Variants in GPHN observed in about 807,000 individuals in gnomAD.
GPHN encodes the protein gephyrin.
A neutral mutation model predicts 95.5 loss-of-function variants in GPHN; 17 were observed. The ratio of observed to expected loss-of-function variants is 0.18; its 90% confidence interval spans 0.12 to 0.27. The LOEUF (loss-of-function observed/expected upper bound fraction) is 0.27, where lower values mean the gene tolerates loss of function less well. Among genes scored for constraint, GPHN ranks in the 10% least tolerant of loss-of-function variants. The pLI, the probability that GPHN is intolerant of heterozygous loss-of-function variation, is 1.00. For missense variants in GPHN, 660 were observed against 978.1 expected, an observed-to-expected ratio of 0.67 and a Z score of 4.34; for synonymous variants, 320 against 322.5, an observed-to-expected ratio of 0.99 and a Z score of 0.08.
the GPHN span, chr14:67,646,571 C>A: frequency 2.4e-6 from 3 of 1,238,786 alleles, no homozygotes; most frequent in Non-Finnish European, 3.5e-6. Flanking sequence ...TGCATACCCA[C>A]GGACGCACAT....
chr14:67,157,398 A>G (rs1249043731), intron 18 of GPHN, among the ~76,000 whole-genome samples: 1 of 152,248 alleles, frequency 6.6e-6, no homozygotes, highest in Non-Finnish European at 1.5e-5. Flanking sequence ...TCAACATTTC[A>G]TCTAGTCCCC....
chr14:67,061,996 A>G (rs1483433179), intron 11 of GPHN, among the ~76,000 whole-genome samples: 2 of 152,164 alleles, frequency 1.3e-5, no homozygotes, highest in Non-Finnish European at 2.9e-5. Context: ...TCGTGTTCCC[A>G]TAGCACCTTC....
chr14:67,612,237 G>A, the GPHN span, among the ~76,000 whole-genome samples: 1 of 152,172 alleles, frequency 6.6e-6, no homozygotes, highest in Non-Finnish European at 1.5e-5. Context: ...AGGGGTTGGG[G>A]ACCCCTGCTC....
chr14:67,157,287 A>G (rs2081652652), intron 18 of GPHN, among the ~76,000 whole-genome samples: 1 of 152,194 alleles, frequency 6.6e-6, no homozygotes, highest in Non-Finnish European at 1.5e-5. Flanking sequence ...ATTATTTTAA[A>G]TTAGTTAATT....
intron 4 of GPHN, among the ~76,000 whole-genome samples, chr14:66,826,218 CT>C (rs376162825): frequency 1.2e-4 from 19 of 152,174 alleles, no homozygotes; most frequent in African/African-American, 4.1e-4. Flanking sequence ...TTGTATCCTA[CT>C]GGGCTTTCAG....
At chr14:66,742,749 C>CTTGTTT (rs1426389909) in intron 2 of GPHN, among the ~76,000 whole-genome samples, 1 of 151,954 alleles carries the variant, frequency 6.6e-6, no homozygotes, top group East Asian at 1.9e-4. Context: ...TTTTGTTCTT[C>CTTGTTT]TTGTTTTTGT....
chr14:67,245,116 G>A, the GPHN span, among the ~76,000 whole-genome samples: 1 of 152,304 alleles, frequency 6.6e-6, no homozygotes, highest in South Asian at 2.1e-4. Flanking sequence ...TTTTAGCCAA[G>A]GGAGACATAT....
chr14:66,586,527 A>C (rs2061428095), intron 1 of GPHN, among the ~76,000 whole-genome samples: 1 of 152,122 alleles, frequency 6.6e-6, no homozygotes, highest in Non-Finnish European at 1.5e-5. Flanking sequence ...GGGTGGTACC[A>C]GTTGTTCCTT....
At chr14:67,642,396 G>A in the GPHN span, 2 of 1,609,224 alleles carry the variant, frequency 1.2e-6, no homozygotes, top group Non-Finnish European at 1.7e-6. Flanking sequence ...TGAGGGGATG[G>A]ATTACATGGT....
chr14:66,750,032 A>G (rs2058309124), intron 2 of GPHN, among the ~76,000 whole-genome samples: 1 of 151,906 alleles, frequency 6.6e-6, no homozygotes, highest in Non-Finnish European at 1.5e-5. Flanking sequence ...TTATATGTAC[A>G]ATAAATTACT....
intron 1 of GPHN, among the ~76,000 whole-genome samples, chr14:66,638,743 CA>C (rs1168077572): frequency 1.3e-5 from 2 of 150,662 alleles, no homozygotes; most frequent in African/African-American, 4.9e-5. Flanking sequence ...TCTTCTTTTC[CA>C]TAATGAAAAA....
At chr14:67,519,319 G>A in the GPHN span, among the ~76,000 whole-genome samples, 1 of 152,234 alleles carries the variant, frequency 6.6e-6, no homozygotes, top group Non-Finnish European at 1.5e-5. Context: ...TAAAGGGAAT[G>A]CTGGCAAAAC....
At chr14:67,687,767 G>A in the GPHN span, among the ~76,000 whole-genome samples, 155 of 148,676 alleles carry the variant, frequency 1.0e-3, 1 homozygote, top group African/African-American at 3.5e-3. Context: ...CACCACGTCC[G>A]GCCCTTTTTT....
chr14:66,615,564 G>T (rs931748890), intron 1 of GPHN, among the ~76,000 whole-genome samples: 1 of 151,296 alleles, frequency 6.6e-6, no homozygotes, highest in Non-Finnish European at 1.5e-5. Context: ...TTTTGATGGG[G>T]TTATTTTTTT....
chr14:67,264,430 T>G, the GPHN span, among the ~76,000 whole-genome samples: 1 of 151,294 alleles, frequency 6.6e-6, no homozygotes, highest in Non-Finnish European at 1.5e-5. Context: ...GGGGTCAAAT[T>G]AAAAAAAATC....
chr14:66,512,834 G>C (rs1050946702), intron 1 of GPHN, among the ~76,000 whole-genome samples: 1 of 151,508 alleles, frequency 6.6e-6, no homozygotes, highest in Admixed American at 6.6e-5. Flanking sequence ...ACCTGTTCTG[G>C]TATATTATGT....
chr14:67,328,090 G>A, the GPHN span, among the ~76,000 whole-genome samples: 1 of 152,146 alleles, frequency 6.6e-6, no homozygotes, highest in Non-Finnish European at 1.5e-5. Flanking sequence ...CTAGTTTACG[G>A]TCCCACCAAC....
chr14:67,448,120 C>CTTTTTT, the GPHN span, among the ~76,000 whole-genome samples: 14 of 36,078 alleles, frequency 3.9e-4, 5 homozygotes, highest in African/African-American at 5.9e-4. Flanking sequence ...ATAGCCCATT[C>CTTTTTT]TTTTTTTTTT....
At chr14:67,225,319 C>A in the GPHN span, 37 of 1,269,692 alleles carry the variant, frequency 2.9e-5, no homozygotes, top group Non-Finnish European at 3.4e-5. Context: ...ATGATACTGT[C>A]ACACAAAAAA....
Sources: allele counts gnomAD v4.1 joint callset (sites outside exome capture counted in the v4.1 genomes callset), GRCh38; gene constraint gnomAD v4.1.1; transcripts MANE v1.5; gene names NCBI Gene and HGNC (gene_info 2026-07-23, HGNC 2026-07-21).